Variants in WDR86 observed in about 807,000 individuals in gnomAD.
WDR86 encodes the protein WD repeat domain 86, also known as WD repeat-containing protein 86.
In WDR86, 30 loss-of-function variants were observed where a neutral mutation model predicts 36.5. That is an observed-to-expected ratio of 0.82 (90% CI 0.61 to 1.11). WDR86 has a LOEUF of 1.11. WDR86 is among the 50% of genes most tolerant of loss of function. The probability of loss-of-function intolerance (pLI) is 0.00; values close to 1 mark genes in which losing one functional copy is unlikely to be tolerated. For synonymous variants in WDR86, 255 were observed against 252.9 expected (o/e 1.01, Z -0.08); for missense variants, 545 against 561.2 (o/e 0.97, Z 0.29).
intron 3 of WDR86, among the ~76,000 whole-genome samples, chr7:151,393,136 CAT>C (rs1279855302): frequency 6.6e-6 from 1 of 152,234 alleles, no homozygotes; most frequent in African/African-American, 2.4e-5. Context: ...TACCCATCAA[CAT>C]GTGTGTCTGC....
At chr7:151,403,307 G>A (rs1800470179) in intron 1 of WDR86, among the ~76,000 whole-genome samples, 1 of 152,214 alleles carries the variant, frequency 6.6e-6, no homozygotes, top group South Asian at 2.1e-4. Flanking sequence ...TCAAAAGACT[G>A]TTAGAACTAA....
chr7:151,399,476 A>G (rs1207105099), intron 2 of WDR86, among the ~76,000 whole-genome samples: 3 of 152,172 alleles, frequency 2.0e-5, no homozygotes, highest in Non-Finnish European at 4.4e-5. Context: ...TGCCAGGCCC[A>G]GGGGCGCCAG....
downstream of WDR86, among the ~76,000 whole-genome samples, chr7:151,379,301 C>T (rs1798449331): frequency 1.3e-5 from 2 of 152,258 alleles, no homozygotes; most frequent in South Asian, 4.1e-4. Context: ...GTGTAGCAGG[C>T]AGGTGAGGGC....
At chr7:151,374,361 G>A (rs777126885), downstream of WDR86, 50 of 1,280,874 alleles carry the variant, frequency 3.9e-5, no homozygotes, top group Admixed American at 2.8e-4. Context: ...CCCGTCATCC[G>A]GATCTGAAGG....
chr7:151,377,259 A>G (rs769468400), downstream of WDR86: 1 of 1,380,246 alleles, frequency 7.2e-7, no homozygotes, highest in Non-Finnish European at 9.8e-7. Context: ...TTTTCTGCTT[A>G]TAAATGCTAT....
At chr7:151,371,868 C>T (rs764161493), downstream of WDR86, among the ~76,000 whole-genome samples, 13 of 152,224 alleles carry the variant, frequency 8.5e-5, no homozygotes, top group South Asian at 2.1e-4. Context: ...CAAGAGCTCT[C>T]GGCTGATTTT....
downstream of WDR86, among the ~76,000 whole-genome samples, chr7:151,372,608 A>G (rs2108725): frequency 0.66 from 100,483 of 152,074 alleles, 33,726 homozygotes; most frequent in East Asian, 0.88. Context: ...TCCTGCTGGC[A>G]TGTGTGGTTG....
At chr7:151,384,883 T>A (rs79492216) in intron 4 of WDR86, among the ~76,000 whole-genome samples, 3,899 of 152,168 alleles carry the variant, frequency 0.026, 184 homozygotes, top group African/African-American at 0.089. Context: ...TGGAGAAAGG[T>A]TGGGAGGAGC....
downstream of WDR86, among the ~76,000 whole-genome samples, chr7:151,380,708 CAT>C (rs1463847896): frequency 2.6e-5 from 4 of 151,850 alleles, no homozygotes; most frequent in African/African-American, 4.8e-5. Context: ...GTGGCTCTGG[CAT>C]GTGTGTTGCG....
chr7:151,390,335 C>T lies in WDR86; in HGVS notation c.727-5112G>A, dbSNP rs1420572687. Among the ~76,000 whole-genome samples, 8 of 152,178 alleles carry T rather than the reference C, an allele frequency of 5.3e-5. No homozygotes were observed. Among genetic ancestry groups the T allele is most frequent in the Admixed American group, 1.3e-4 (2 of 15,288 alleles). ...ATCTGGCCACGCCAGGGGCAGCCAT[C>T]GTGTGTCCCCACTTGGCAGATTGTG... On this transcript the variant is annotated intron_variant, in intron 3 of 5. Transcript: ENST00000334493. The surrounding 1 kb of genome is among the most constrained non-coding windows in gnomAD (Gnocchi z 4.5).
At chr7:151,384,825 T>A (rs1798849753) in intron 4 of WDR86, among the ~76,000 whole-genome samples, 1 of 152,222 alleles carries the variant, frequency 6.6e-6, no homozygotes, top group African/African-American at 2.4e-5. Flanking sequence ...CTTTGGGACA[T>A]GCTTTTGACC....
At position 151,406,732 on chromosome 7, in the gene WDR86, G is replaced by C. The variant is rs758331130; in HGVS notation, c.163+2695C>G. ...GACAGCACCCACCCCATTATCGATG[G>C]TATCTAGAAAACAACAAGAATGCCG... On this transcript the variant is annotated intron_variant, in intron 1 of 5. Transcript: ENST00000334493. The surrounding 1 kb of genome is among the most constrained non-coding windows in gnomAD (Gnocchi z 4.4). Among the ~76,000 whole-genome samples, 1 of 152,124 alleles carries C rather than the reference G, an allele frequency of 6.6e-6. No homozygotes were observed. The highest frequency in any genetic ancestry group is 1.5e-5 in the Non-Finnish European group (1 of 68,012).
downstream of WDR86, chr7:151,377,730 TCTTC>T (rs1211968621): frequency 6.6e-6 from 1 of 152,350 alleles, no homozygotes; most frequent in Non-Finnish European, 1.5e-5. Flanking sequence ...GTCCTTTAAG[TCTTC>T]CTTCCAAGTG....
rs1286229539 is a variant in WDR86 at position 151,405,636 on chromosome 7, G to A, written c.163+3791C>T. Among the ~76,000 whole-genome samples the A allele has an allele frequency of 2.0e-5, 3 of 152,286 alleles. No individual in the cohort carries two copies. The highest frequency in any genetic ancestry group is 3.4e-3 in the Middle Eastern group (1 of 292). On this transcript the variant is annotated intron_variant, in intron 1 of 5. Transcript: ENST00000334493. This position sits in a 1 kb window ranked among gnomAD's most constrained non-coding sequence, Gnocchi z 4.7. ...CCCACTTTGAACCAAGACCTACGCA[G>A]CTTGGCTTTCTGGACTTCTCCGGTG...
intron 1 of WDR86, among the ~76,000 whole-genome samples, chr7:151,402,142 G>C (rs10235381): frequency 0.014 from 2,072 of 145,194 alleles, 59 homozygotes; most frequent in African/African-American, 0.051. Flanking sequence ...TGATATACTC[G>C]GAAGAGGAGG....
rs1302855167 is a variant in WDR86 at position 151,390,829 on chromosome 7, C to T, written c.726+4947G>A. Reference sequence around the variant, plus strand: ...CTGCACGACTCCACTCATGTGAGGACCCAGAGTCATCAAATTCAGAGACAC... The same window carrying T: ...CTGCACGACTCCACTCATGTGAGGATCCAGAGTCATCAAATTCAGAGACAC... On this transcript the variant is annotated intron_variant, in intron 3 of 5. Coordinates refer to ENST00000334493, the MANE Select transcript of WDR86 (RefSeq NM_198285.3). The surrounding 1 kb of genome is among the most constrained non-coding windows in gnomAD (Gnocchi z 4.5). Among the ~76,000 whole-genome samples the T allele has an allele frequency of 6.6e-6, 1 of 152,186 alleles. No individual in the cohort carries two copies. Among genetic ancestry groups the T allele is most frequent in the African/African-American group, 2.4e-5 (1 of 41,444 alleles).
chr7:151,393,730 G>A (rs1401450626), intron 3 of WDR86, among the ~76,000 whole-genome samples: 6 of 152,066 alleles, frequency 3.9e-5, no homozygotes, highest in Non-Finnish European at 8.8e-5. Context: ...TGCCCACCAC[G>A]GAACTGCCTG....
chr7:151,408,925 A>G, intron 1 of WDR86: 1 of 471,786 alleles, frequency 2.1e-6, no homozygotes, highest in Non-Finnish European at 4.4e-6. Context: ...ATGTGGGGTA[A>G]CATAGTGTGA....
downstream of WDR86, chr7:151,374,636 T>G (rs1798124800): frequency 3.9e-6 from 1 of 253,966 alleles, no homozygotes. Flanking sequence ...TATCTAGTTT[T>G]ATTTATTTAG....
Sources: gnomAD v4.1 joint callset for allele counts (sites outside exome capture counted in the v4.1 genomes callset) on GRCh38, gnomAD v4.1.1 for gene constraint, Gnocchi (gnomAD v3.1) non-coding constraint, MANE v1.5 for transcripts, NCBI Gene and HGNC (gene_info 2026-07-23, HGNC 2026-07-21) for gene names.